The following CPEB3 variants were observed in gnomAD, a reference collection of about 807,000 sequenced individuals.
CPEB3 encodes cytoplasmic polyadenylation element binding protein 3, also known as cytoplasmic polyadenylation element-binding protein 3.
A neutral mutation model predicts 67.2 loss-of-function variants in CPEB3; 20 were observed. The ratio of observed to expected loss-of-function variants is 0.30; its 90% confidence interval spans 0.21 to 0.43. The LOEUF is 0.43. CPEB3 is among the 20% of genes least tolerant of loss of function. The pLI is 1.00. For synonymous variants in CPEB3, 376 were observed against 393.1 expected (o/e 0.96, Z 0.51); for missense variants, 746 against 968.6 (o/e 0.77, Z 3.05).
rs1275882144 is a variant in CPEB3, at chr10:92,254,563, G to A, written c.-11-14202C>T. Among the ~76,000 whole-genome samples, 10 of 152,088 alleles carry A rather than the reference G, an allele frequency of 6.6e-5. No individual in the cohort carries two copies. The East Asian group carries it at 1.2e-3, about 18-fold the overall frequency. On this transcript the variant is annotated intron_variant, in intron 1 of 9. Transcript: ENST00000265997. ...CTGTTTGTTAGTCTTGGGTTAATTC[G>A]TTTCATTCATTCCATAATTTTATGA... is the stretch of plus-strand genomic sequence containing the variant.
intron 3 of CPEB3, among the ~76,000 whole-genome samples, chr10:92,188,247 C>T (rs972084573): frequency 6.3e-5 from 9 of 143,210 alleles, no homozygotes; most frequent in African/African-American, 2.3e-4. Flanking sequence ...AGAGTATTAC[C>T]CTCTTCAAAA....
intron 7 of CPEB3, among the ~76,000 whole-genome samples, chr10:92,100,319 G>C (rs1275285299): frequency 1.3e-5 from 2 of 152,142 alleles, no homozygotes; most frequent in African/African-American, 4.8e-5. Flanking sequence ...TGTTGCCCAG[G>C]CTGGAGTGCA....
intron 7 of CPEB3, among the ~76,000 whole-genome samples, chr10:92,105,694 A>G (rs1322712339): frequency 2.2e-5 from 3 of 134,280 alleles, no homozygotes; most frequent in Non-Finnish European, 4.8e-5. Context: ...GATACTGTGT[A>G]TTTATATACT....
rs567796960 is a variant in CPEB3 at position 92,235,781 on chromosome 10, C to T, written c.1005+3565G>A. ...GAAATTATCAACCTGAACCTGGGTA[C>T]GTCACCTCACATGTTGGGACTTTGA... On this transcript the variant is annotated intron_variant, in intron 2 of 9. Coordinates refer to ENST00000265997, the MANE Select transcript of CPEB3 (RefSeq NM_014912.5). Among the ~76,000 whole-genome samples, 7 of 152,356 alleles carry T rather than the reference C, an allele frequency of 4.6e-5. No homozygotes were observed. In the East Asian group the frequency reaches 1.2e-3, roughly 25 times the overall value.
intron 1 of CPEB3, among the ~76,000 whole-genome samples, chr10:92,278,677 T>C (rs960854568): frequency 6.6e-6 from 1 of 150,784 alleles, no homozygotes; most frequent in Non-Finnish European, 1.5e-5. Context: ...CTTGGCTCAC[T>C]GTAACCTCCA....
chr10:92,056,905 CTCAG>C (rs1370377318), intron 9 of CPEB3, among the ~76,000 whole-genome samples: 1 of 152,206 alleles, frequency 6.6e-6, no homozygotes, highest in Non-Finnish European at 1.5e-5. Context: ...AAGGATAGGG[CTCAG>C]TCAGAGTTGT....
rs77308771 is a variant in CPEB3, at chr10:92,248,682, A to G, written c.-11-8321T>C. 1.8e-4 allele frequency among the ~76,000 whole-genome samples: 27 copies of G among 152,308 alleles called. No individual in the cohort carries two copies. The East Asian group carries it at 4.2e-3, about 24-fold the overall frequency. ...GGGAAGGGGAGTGGTATAAAATAGA[A>G]AACCATTTTGGCTTTTATGATGTTC... is the stretch of plus-strand genomic sequence containing the variant. On this transcript the variant is annotated intron_variant, in intron 1 of 9. Transcript: ENST00000265997.
intron 1 of CPEB3, among the ~76,000 whole-genome samples, chr10:92,289,780 T>TATATGTATTATATATTATATAATAC (rs1842740708): frequency 2.4e-5 from 3 of 122,564 alleles, no homozygotes; most frequent in African/African-American, 1.4e-4. Context: ...TATAAATGTA[T>TATATGTATTATATATTATATAATAC]ATATGTATTA....
At chr10:92,158,792 T>C (rs925675747) in intron 4 of CPEB3, among the ~76,000 whole-genome samples, 2 of 152,192 alleles carry the variant, frequency 1.3e-5, no homozygotes, top group Non-Finnish European at 2.9e-5. Context: ...TTTCTTCCTC[T>C]TTAAAACTCC....
chr10:92,223,337 A>C (rs1357762024), intron 2 of CPEB3, among the ~76,000 whole-genome samples: 3 of 152,168 alleles, frequency 2.0e-5, no homozygotes, highest in Admixed American at 2.0e-4. Context: ...TCACTTGTTC[A>C]AATATACCCA....
chr10:92,185,580 T>C (rs567851929), intron 3 of CPEB3, among the ~76,000 whole-genome samples: 2 of 152,362 alleles, frequency 1.3e-5, no homozygotes, highest in African/African-American at 4.8e-5. Context: ...TAATTCATAA[T>C]TGATTACGAA....
chr10:92,069,030 G>A (rs967597794), intron 9 of CPEB3, among the ~76,000 whole-genome samples: 2 of 152,184 alleles, frequency 1.3e-5, no homozygotes, highest in Non-Finnish European at 2.9e-5. Context: ...TGGGTTGTAT[G>A]AATCCCAACT....
chr10:92,186,903 T>G (rs112722060), intron 3 of CPEB3, among the ~76,000 whole-genome samples: 2 of 152,244 alleles, frequency 1.3e-5, no homozygotes, highest in African/African-American at 4.8e-5. Context: ...CCTAACAGTT[T>G]GTGTAATCTG....
rs746156847 is a variant in CPEB3, at chr10:92,145,147, G to T, written c.1223-62C>A. On this transcript the variant is annotated intron_variant, in intron 4 of 9. Transcript: ENST00000265997. ...ATGTGGGAGTTTCTATAATTAAAAT[G>T]ATTTTCTAGGACAATAAATGCTCTA... The T allele has an allele frequency of 1.6e-5, 25 of 1,583,094 alleles. No individual in the cohort carries two copies. The East Asian group carries it at 3.8e-4, about 24-fold the overall frequency.
At chr10:92,216,063 T>TA (rs397826757) in intron 2 of CPEB3, among the ~76,000 whole-genome samples, 11 of 149,464 alleles carry the variant, frequency 7.4e-5, no homozygotes, top group Non-Finnish European at 1.0e-4. Context: ...TTTTTTTTTT[T>TA]AATAAGCGAA....
intron 2 of CPEB3, among the ~76,000 whole-genome samples, chr10:92,202,214 T>C (rs1232440688): frequency 6.6e-6 from 1 of 152,122 alleles, no homozygotes; most frequent in South Asian, 2.1e-4. Flanking sequence ...GGCTGTTTCT[T>C]ATAAAGTTAA....
At chr10:92,163,052 T>A (rs1847568919) in intron 4 of CPEB3, among the ~76,000 whole-genome samples, 3 of 152,184 alleles carry the variant, frequency 2.0e-5, no homozygotes, top group Admixed American at 2.0e-4. Flanking sequence ...TAGGGTTCAC[T>A]CTTGGTGTAC....
chr10:92,149,101 G>A (rs767793380), intron 4 of CPEB3, among the ~76,000 whole-genome samples: 7 of 152,070 alleles, frequency 4.6e-5, no homozygotes, highest in Non-Finnish European at 8.8e-5. Context: ...AGGTTTCGCC[G>A]TGTTGGCCAG....
At chr10:92,137,279 A>G in intron 6 of CPEB3, 1 of 630,386 alleles carries the variant, frequency 1.6e-6, no homozygotes, top group Non-Finnish European at 2.8e-6. Context: ...GTGCATGCTG[A>G]GGTGCAGAAA....
Sources: allele counts gnomAD v4.1 joint callset (sites outside exome capture counted in the v4.1 genomes callset), GRCh38; gene constraint gnomAD v4.1.1; transcripts MANE v1.5; gene names NCBI Gene and HGNC (gene_info 2026-07-23, HGNC 2026-07-21).